ADAMTS9: variants seen among roughly 807,000 people sequenced by gnomAD.
ADAMTS9 encodes A disintegrin and metalloproteinase with thrombospondin motifs 9.
Under a neutral mutation model 257.1 loss-of-function variants are expected in ADAMTS9, and 107 were observed. The ratio of observed to expected loss-of-function variants is 0.42; its 90% CI spans 0.36 to 0.49. ADAMTS9 has a LOEUF of 0.49. Ranked by LOEUF, ADAMTS9 falls within the 20% of genes least tolerant of loss-of-function variation. The probability of loss-of-function intolerance (pLI) is 0.03; values close to 1 mark genes in which losing one functional copy is unlikely to be tolerated. For missense variants in ADAMTS9, 2,353 were observed against 2,469.1 expected, an observed-to-expected ratio of 0.95 and a Z score of 1.00; for synonymous variants, 982 against 880.9, an observed-to-expected ratio of 1.11 and a Z score of -2.03.
Position 64,604,002 on chromosome 3 carries a change from C to A in ADAMTS9, c.3667G>T (p.Ala1223Ser). 1 of 1,614,082 alleles carries A rather than the reference C, an allele frequency of 6.2e-7. No homozygotes were observed. The highest frequency in any genetic ancestry group is 8.5e-7 in the Non-Finnish European group (1 of 1,180,014). Residue 1223 changes from alanine to serine, a missense_variant, in exon 25 of 40, where the codon GCT becomes TCT. By Grantham distance (99) the Ala-to-Ser change is moderately conservative (BLOSUM62 1). Coordinates refer to ENST00000498707, the MANE Select transcript of ADAMTS9 (RefSeq NM_182920.2). ...TTTGCCACTGGTCTAGGCAGGGTAGCACAGGCACTCTCGTCAGCCACAGAG... is the reference window on the plus strand; with the variant it reads ...TTTGCCACTGGTCTAGGCAGGGTAGAACAGGCACTCTCGTCAGCCACAGAG... ...NGSVADESAC[A>S]TLPRPVAKEE...
At chr3:64,592,406 C>T (rs933816120) in intron 28 of ADAMTS9, 1 of 152,134 alleles carries the variant, frequency 6.6e-6, no homozygotes, top group Non-Finnish European at 1.5e-5. Context: ...AGAACAACTA[C>T]ATGAAATAAA....
intron 29 of ADAMTS9, among the ~76,000 whole-genome samples, chr3:64,567,993 G>C (rs2083584323): frequency 6.6e-6 from 1 of 152,164 alleles, no homozygotes; most frequent in Non-Finnish European, 1.5e-5. Flanking sequence ...GATAAACTGA[G>C]ACTCAATTTC....
At chr3:64,601,839 T>C (rs2084467487) in intron 26 of ADAMTS9, 105 bp downstream of exon 26, 1 of 1,351,222 alleles carries the variant, frequency 7.4e-7, no homozygotes, top group African/African-American at 1.5e-5. Flanking sequence ...ACAATGTCAA[T>C]CCCTTGTAAA....
chr3:64,610,102 A>G (rs2084637314), intron 22 of ADAMTS9, among the ~76,000 whole-genome samples: 1 of 152,240 alleles, frequency 6.6e-6, no homozygotes, highest in African/African-American at 2.4e-5. Context: ...CTTATGCTAT[A>G]TACAATAATT....
chr3:64,629,538 G>A (rs1465482165), intron 16 of ADAMTS9, among the ~76,000 whole-genome samples: 1 of 152,100 alleles, frequency 6.6e-6, no homozygotes, highest in Non-Finnish European at 1.5e-5. Context: ...TTATTATCTT[G>A]CTCTATGATT....
chr3:64,524,449 T>C (rs143271375), intron 38 of ADAMTS9, among the ~76,000 whole-genome samples: 2,617 of 152,306 alleles, frequency 0.017, 51 homozygotes, highest in Non-Finnish European at 0.028. Flanking sequence ...TTTAGAAAGA[T>C]TGAAATACAT....
intron 38 of ADAMTS9, among the ~76,000 whole-genome samples, chr3:64,523,614 C>T (rs1355809933): frequency 6.6e-6 from 1 of 152,108 alleles, no homozygotes; most frequent in Admixed American, 6.5e-5. Context: ...TGTTTAAAGC[C>T]TATGGTTATT....
At chr3:64,529,982 ATT>A (rs200385291) in intron 38 of ADAMTS9, among the ~76,000 whole-genome samples, 119 of 106,486 alleles carry the variant, frequency 1.1e-3, no homozygotes, top group African/African-American at 3.7e-3. Flanking sequence ...CAGTTATTTA[ATT>A]TTTTTTTTTT....
chr3:64,686,281 C>T lies in ADAMTS9; in HGVS notation c.516+287G>A, dbSNP rs143994380. 1.5e-3 allele frequency among the ~76,000 whole-genome samples: 223 copies of T among 152,364 alleles called. 1 individual carries two copies. The highest frequency in any genetic ancestry group is 5.1e-4 in the Non-Finnish European group (35 of 68,040). On this transcript the variant is annotated intron_variant, in intron 2 of 39. Transcript: ENST00000498707. This position sits in a 1 kb window ranked among gnomAD's most constrained non-coding sequence, Gnocchi z 4.6. ...TTTCTCCGAGTTTGGAAACTGACTT[C>T]CAGGCCGCCTCGCAGCGTTGGGCAA... is the stretch of plus-strand genomic sequence containing the variant.
At chr3:64,570,528 T>G (rs941601731) in intron 28 of ADAMTS9, among the ~76,000 whole-genome samples, 1 of 151,468 alleles carries the variant, frequency 6.6e-6, no homozygotes, top group Non-Finnish European at 1.5e-5. Flanking sequence ...AGAGCCCAAG[T>G]GGGAAAACAG....
At chr3:64,661,455 G>A (rs547989137) in intron 3 of ADAMTS9, among the ~76,000 whole-genome samples, 35 of 152,274 alleles carry the variant, frequency 2.3e-4, no homozygotes, top group African/African-American at 8.2e-4. Context: ...TCCTTTCAAA[G>A]TGAGAAAATT....
At position 64,576,642 on chromosome 3, in the gene ADAMTS9, G is replaced by A. The variant is rs890365393; in HGVS notation, c.4357-8107C>T. On this transcript the variant is annotated intron_variant, in intron 28 of 39. Coordinates refer to ENST00000498707, the MANE Select transcript of ADAMTS9 (RefSeq NM_182920.2). ...ATTACCATGAAAAGGAGCTGAGAGC[G>A]CCTGAGATTGGCAGGGAACACCAAG... is the stretch of plus-strand genomic sequence containing the variant. Among the ~76,000 whole-genome samples the A allele has an allele frequency of 7.9e-5, 12 of 152,200 alleles. 1 individual carries two copies. The highest frequency in any genetic ancestry group is 2.9e-5 in the Non-Finnish European group (2 of 68,040).
chr3:64,524,561 A>T (rs1455742119), intron 38 of ADAMTS9, among the ~76,000 whole-genome samples: 1 of 152,218 alleles, frequency 6.6e-6, no homozygotes, highest in Admixed American at 6.5e-5. Context: ...CCAATATCCC[A>T]TTCATCTCCT....
chr3:64,643,202 T>C (rs1700700654), intron 11 of ADAMTS9, among the ~76,000 whole-genome samples: 1 of 152,122 alleles, frequency 6.6e-6, no homozygotes, highest in South Asian at 2.1e-4. Flanking sequence ...TTCATATTTG[T>C]CTTTACAGTG....
intron 28 of ADAMTS9, among the ~76,000 whole-genome samples, chr3:64,581,831 T>C (rs531407186): frequency 2.6e-5 from 4 of 152,334 alleles, no homozygotes; most frequent in African/African-American, 9.6e-5. Context: ...AAATAAAGTT[T>C]GAACATTGCA....
At chr3:64,585,672 A>G (rs1014469713) in intron 28 of ADAMTS9, among the ~76,000 whole-genome samples, 2 of 152,172 alleles carry the variant, frequency 1.3e-5, no homozygotes, top group African/African-American at 2.4e-5. Context: ...GACTGGCTCT[A>G]ATAAAATCTA....
At chr3:64,547,342 G>A (rs552706855) in intron 31 of ADAMTS9, among the ~76,000 whole-genome samples, 1 of 33,028 alleles carries the variant, frequency 3.0e-5, no homozygotes, top group Non-Finnish European at 9.5e-5. Context: ...AAATTGGGAA[G>A]GGAAGAGGAG....
At chr3:64,587,585 A>G (rs2084183080) in intron 28 of ADAMTS9, 1 of 152,120 alleles carries the variant, frequency 6.6e-6, no homozygotes. Flanking sequence ...TCGCTGCAGA[A>G]AGCTACTAGA....
At chr3:64,529,626 A>G (rs2082951850) in intron 38 of ADAMTS9, among the ~76,000 whole-genome samples, 1 of 152,154 alleles carries the variant, frequency 6.6e-6, no homozygotes, top group South Asian at 2.1e-4. Context: ...ACAATTCTTG[A>G]AGTGTGTTTC....
Sources: allele counts gnomAD v4.1 joint callset (sites outside exome capture counted in the v4.1 genomes callset), GRCh38; gene constraint gnomAD v4.1.1; non-coding constraint Gnocchi (gnomAD v3.1); transcripts MANE v1.5; gene names NCBI Gene and HGNC (gene_info 2026-07-23, HGNC 2026-07-21).